Variants in MYRIP observed in about 807,000 individuals in gnomAD.
MYRIP encodes rab effector MyRIP.
A neutral mutation model predicts 98.0 loss-of-function variants in MYRIP; 49 were observed. The observed-to-expected ratio is 0.50, with a 90% confidence interval of 0.40 to 0.63. MYRIP has a LOEUF of 0.63. MYRIP is among the 30% of genes least tolerant of loss of function. MYRIP has a pLI of 0.00. For synonymous variants in MYRIP, 404 were observed against 409.5 expected (o/e 0.99, Z 0.16); for missense variants, 1,004 against 1,058.2 (o/e 0.95, Z 0.71).
rs1953707426 is a variant in MYRIP, at chr3:40,259,609, T to A, written c.*1443T>A. ...AACTCTGTTGTTTTCAACCTCTACG[T>A]TATTTTGCTGCTATGTGCATTTCCA... On this transcript the variant is annotated 3_prime_UTR_variant, in exon 17 of 17. Coordinates refer to ENST00000302541, the MANE Select transcript of MYRIP (RefSeq NM_015460.4). 1 of 152,248 alleles carries A rather than the reference T, an allele frequency of 6.6e-6. No individual in the cohort carries two copies. The highest frequency in any genetic ancestry group is 1.5e-5 in the Non-Finnish European group (1 of 68,044). The allele number at this position is 152,248 out of a possible 1,614,324, so 9.4% of individuals were successfully genotyped here. A position where few individuals can be genotyped will look rare whatever the true frequency, so the allele number is the denominator to read the frequency against.
In MYRIP at chr3:40,210,103, G is replaced by A. The variant is rs772269929; in HGVS notation, c.1905+10G>A. On this transcript the variant is annotated intron_variant, in intron 11 of 16. Coordinates refer to ENST00000302541, the MANE Select transcript of MYRIP (RefSeq NM_015460.4). Reference sequence around the variant, plus strand: ...GGAAGAGCTGAAGAAGGTAAGGGCTGTGAAGCCACCTGCAGACAGCTCAAG... The same window carrying A: ...GGAAGAGCTGAAGAAGGTAAGGGCTATGAAGCCACCTGCAGACAGCTCAAG... The A allele has an allele frequency of 6.2e-7, 1 of 1,612,692 alleles. No homozygotes were observed. Among genetic ancestry groups the A allele is most frequent in the South Asian group, 1.1e-5 (1 of 90,932 alleles).
rs532403094 is a variant in MYRIP at position 39,829,879 on chromosome 3, G to A, written c.-31+19963G>A. The stretch of plus-strand genomic sequence containing the variant: ...TGCCAAGTTGTGAATGCAACTGTAC[G>A]TAGGCTCTTTCTAACATCCTGGCCT... On this transcript the variant is annotated intron_variant, in intron 1 of 16. Transcript: ENST00000302541. 1.4e-4 allele frequency among the ~76,000 whole-genome samples: 21 copies of A among 152,200 alleles called. No individual in the cohort carries two copies. In the South Asian group the frequency reaches 3.5e-3, roughly 26 times the overall value.
Position 39,821,076 on chromosome 3 carries a change from C to A in MYRIP, c.-31+11160C>A, listed in dbSNP as rs79753071. On this transcript the variant is annotated intron_variant, in intron 1 of 16. Transcript: ENST00000302541. ...AAAACAAAAGACCAAACATTTTTCA[C>A]AAATCTGAAAGATAGTTAAAATTGC... Among the ~76,000 whole-genome samples, 1,084 of 152,228 alleles carry A rather than the reference C, an allele frequency of 7.1e-3. 14 individuals carry two copies. Among genetic ancestry groups the A allele is most frequent in the African/African-American group, 0.025 (1,048 of 41,502 alleles).
At chr3:40,067,009 G>A (rs1948139383) in intron 3 of MYRIP, among the ~76,000 whole-genome samples, 1 of 152,032 alleles carries the variant, frequency 6.6e-6, no homozygotes, top group African/African-American at 2.4e-5. Context: ...AGTTTCCAAA[G>A]CTTTTACTAT....
intron 1 of MYRIP, among the ~76,000 whole-genome samples, chr3:39,890,787 G>C (rs758742237): frequency 2.6e-5 from 4 of 152,158 alleles, no homozygotes; most frequent in Non-Finnish European, 5.9e-5. Flanking sequence ...CTCTGTGTAT[G>C]ATTCCTTGTA....
rs1328398144 is a variant in MYRIP at position 39,942,597 on chromosome 3, A to G, written c.110+41671A>G. 3.3e-5 allele frequency among the ~76,000 whole-genome samples: 5 copies of G among 152,258 alleles called. No homozygotes were observed. The South Asian group carries it at 1.0e-3, about 32-fold the overall frequency. On this transcript the variant is annotated intron_variant, in intron 2 of 16. Coordinates refer to ENST00000302541, the MANE Select transcript of MYRIP (RefSeq NM_015460.4). ...TGAAACATTCATATAATGTGTAATG[A>G]TCAAATCAGGGTAATTGGGATTTCT...
intron 2 of MYRIP, among the ~76,000 whole-genome samples, chr3:40,017,878 C>T (rs1306447528): frequency 6.6e-6 from 1 of 152,028 alleles, no homozygotes; most frequent in African/African-American, 2.4e-5. Flanking sequence ...GGCTTTCCCT[C>T]TTTTCACTAT....
At position 40,153,043 on chromosome 3, in the gene MYRIP, C is replaced by G. The variant is rs190604630; in HGVS notation, c.469+1859C>G. Among the ~76,000 whole-genome samples the G allele has an allele frequency of 2.0e-5, 3 of 151,876 alleles. No individual in the cohort carries two copies. The East Asian group carries it at 5.8e-4, about 29-fold the overall frequency. Reference sequence around the variant, plus strand: ...CTGAGGTGGGAAGATCACTTGAGCCCAGGAGGTTGAGGCTGCAGTGAGCCA... The same window carrying G: ...CTGAGGTGGGAAGATCACTTGAGCCGAGGAGGTTGAGGCTGCAGTGAGCCA... On this transcript the variant is annotated intron_variant, in intron 4 of 16. Coordinates refer to ENST00000302541, the MANE Select transcript of MYRIP (RefSeq NM_015460.4).
intron 3 of MYRIP, among the ~76,000 whole-genome samples, chr3:40,095,065 C>T (rs1948800627): frequency 6.6e-6 from 1 of 152,154 alleles, no homozygotes; most frequent in Non-Finnish European, 1.5e-5. Context: ...AAGCAAGACC[C>T]ATTCTTAAAG....
intron 1 of MYRIP, among the ~76,000 whole-genome samples, chr3:39,831,488 C>T (rs1206802987): frequency 1.3e-5 from 2 of 152,116 alleles, no homozygotes; most frequent in African/African-American, 2.4e-5. Context: ...GAATACAATA[C>T]ATTTATTTGT....
intron 3 of MYRIP, among the ~76,000 whole-genome samples, chr3:40,132,234 A>T (rs1799424): frequency 1.3e-5 from 2 of 152,250 alleles, no homozygotes; most frequent in Admixed American, 6.5e-5. Flanking sequence ...CTACAGCTGC[A>T]GAAAAGGAGC....
At chr3:40,120,481 C>T (rs540555448) in intron 3 of MYRIP, among the ~76,000 whole-genome samples, 51 of 152,248 alleles carry the variant, frequency 3.3e-4, no homozygotes, top group African/African-American at 6.7e-4. Flanking sequence ...GTCAGGACAT[C>T]GGTGAGGCAG....
intron 2 of MYRIP, among the ~76,000 whole-genome samples, chr3:39,968,646 C>T (rs907732028): frequency 2.6e-5 from 4 of 151,878 alleles, no homozygotes; most frequent in African/African-American, 9.7e-5. Context: ...GGTGTACAGA[C>T]TTATTTCTGG....
chr3:40,034,694 A>G (rs1366135113), intron 2 of MYRIP, among the ~76,000 whole-genome samples: 1 of 150,890 alleles, frequency 6.6e-6, no homozygotes, highest in African/African-American at 2.5e-5. Flanking sequence ...AACTAGAAAT[A>G]CCATTTGACC....
chr3:40,177,581 G>T (rs773061165), intron 8 of MYRIP, among the ~76,000 whole-genome samples: 5 of 152,204 alleles, frequency 3.3e-5, no homozygotes, highest in Non-Finnish European at 5.9e-5. Flanking sequence ...TTGGAAGAAG[G>T]TTCAGTGCGA....
chr3:40,093,979 A>G (rs967453411), intron 3 of MYRIP, among the ~76,000 whole-genome samples: 4 of 151,716 alleles, frequency 2.6e-5, no homozygotes, highest in Admixed American at 2.0e-4. Flanking sequence ...TGTCTTTCCT[A>G]CTTTCCTGTT....
chr3:40,241,028 G>A (rs1952996189), intron 12 of MYRIP, among the ~76,000 whole-genome samples: 1 of 152,164 alleles, frequency 6.6e-6, no homozygotes, highest in South Asian at 2.1e-4. Context: ...GCCTCCCAGG[G>A]AACAGGGCAG....
intron 2 of MYRIP, among the ~76,000 whole-genome samples, chr3:39,976,880 A>G (rs1418303491): frequency 6.6e-6 from 1 of 152,090 alleles, no homozygotes; most frequent in African/African-American, 2.4e-5. Flanking sequence ...GGAACATCAC[A>G]CACCAGGGCC....
chr3:40,040,709 C>T (rs1327929285), intron 2 of MYRIP, among the ~76,000 whole-genome samples: 25 of 60,064 alleles, frequency 4.2e-4, no homozygotes, highest in Non-Finnish European at 8.0e-4. Flanking sequence ...AACCATCATT[C>T]TCAGTAAACT....
Sources: allele counts gnomAD v4.1 joint callset (sites outside exome capture counted in the v4.1 genomes callset), GRCh38; gene constraint gnomAD v4.1.1; transcripts MANE v1.5; gene names NCBI Gene and HGNC (gene_info 2026-07-23, HGNC 2026-07-21).